SRP68: variants seen among roughly 807,000 people sequenced by gnomAD.
SRP68 encodes signal recognition particle subunit SRP68.
Under a neutral mutation model 82.2 loss-of-function variants are expected in SRP68, and 15 were observed. That is an observed-to-expected ratio of 0.18 (90% CI 0.12 to 0.28). The LOEUF (loss-of-function observed/expected upper bound fraction) is 0.28, where lower values mean the gene tolerates loss of function less well. Among genes scored for constraint, SRP68 ranks in the 10% least tolerant of loss-of-function variants. The pLI is 1.00. For synonymous variants in SRP68, 261 were observed against 292.6 expected, an observed-to-expected ratio of 0.89 and a Z score of 1.10; for missense variants, 595 against 780.5, an observed-to-expected ratio of 0.76 and a Z score of 2.83.
At chr17:76,056,506 C>A (rs923940094) in intron 8 of SRP68, among the ~76,000 whole-genome samples, 3 of 152,122 alleles carry the variant, frequency 2.0e-5, no homozygotes, top group Non-Finnish European at 4.4e-5. Flanking sequence ...GTCCTTTAAG[C>A]AAATAAAAGG....
At chr17:76,062,732 TA>T (rs2066772730) in intron 4 of SRP68, among the ~76,000 whole-genome samples, 6 of 2,146 alleles carry the variant, frequency 2.8e-3, no homozygotes, top group Middle Eastern at 0.071. Context: ...ATTTATTTTA[TA>T]TATATATATA....
intron 8 of SRP68, among the ~76,000 whole-genome samples, chr17:76,055,021 A>G (rs2066702620): frequency 6.6e-6 from 1 of 151,608 alleles, no homozygotes; most frequent in Admixed American, 6.6e-5. Context: ...CAATGGCGCA[A>G]TCTCGGCTCA....
At position 76,062,755 on chromosome 17, in the gene SRP68, ATATATATAT is replaced by A. The variant is rs1415249060; in HGVS notation, c.562-1190_562-1182del. Among the ~76,000 whole-genome samples the A allele has an allele frequency of 5.0e-4, 39 of 78,208 alleles. 1 individual carries two copies. Among genetic ancestry groups the A allele is most frequent in the Non-Finnish European group, 7.2e-4 (32 of 44,304 alleles). The allele number at this position is 78,208 out of a possible 152,430, so 51.3% of individuals were successfully genotyped here. A position where few individuals can be genotyped will look rare whatever the true frequency, so the allele number is the denominator to read the frequency against. On this transcript the variant is annotated intron_variant, in intron 4 of 15. Transcript: ENST00000307877. Reference sequence around the variant, plus strand: ...TATATATATATATATATATATATATATATATATATAAAATATATATATATATTTTTTTTG... The same window carrying A: ...TATATATATATATATATATATATATAAAAATATATATATATATTTTTTTTG...
intron 11 of SRP68, 68 bp downstream of exon 11, chr17:76,045,970 G>C: frequency 6.3e-7 from 1 of 1,582,564 alleles, no homozygotes; most frequent in Non-Finnish European, 8.7e-7. Context: ...ACAAAGTTAA[G>C]TCACTTTGTG....
chr17:76,039,755 T>G lies in SRP68; in HGVS notation c.1835A>C (p.Lys612Thr), dbSNP rs2066574990. The change falls in exon 16 of 16, where the codon AAG (lysine) becomes ACG (threonine). Residue 612 changes from lysine (K) to threonine (T), a missense_variant. This residue lies in a region of SRP68 where 495 missense variants were observed against 688.6 expected (regional missense o/e 0.72). Coordinates refer to ENST00000307877, the MANE Select transcript of SRP68 (RefSeq NM_014230.4). The stretch of plus-strand genomic sequence containing the variant: ...CTTGATGTATCCAGTGAGGCCACTC[T>G]TGGTCTTCTGTTCCAACTTGTCCTC... Reference protein sequence around the residue: ...PLEDKLEQKTKSGLTGYIKGI... With the variant: ...PLEDKLEQKTTSGLTGYIKGI... The G allele has an allele frequency of 3.7e-6, 6 of 1,614,104 alleles. No homozygotes were observed. Among genetic ancestry groups the G allele is most frequent in the Non-Finnish European group, 4.2e-6 (5 of 1,180,052 alleles).
chr17:76,062,482 G>GGAGA, intron 4 of SRP68, among the ~76,000 whole-genome samples: 1 of 96,050 alleles, frequency 1.0e-5, no homozygotes. Context: ...CAAAGAATAT[G>GGAGA]GAGATATATA....
rs772334532 is a variant in SRP68 at position 76,043,968 on chromosome 17, A to T, written c.1395-10T>A. On this transcript the variant is annotated splice_polypyrimidine_tract_variant and intron_variant, in intron 12 of 15. Coordinates refer to ENST00000307877, the MANE Select transcript of SRP68 (RefSeq NM_014230.4). The stretch of plus-strand genomic sequence containing the variant: ...AGCAATGAAAAAACACCTGATGGGG[A>T]GGGAAAAGAGCCACAATATTCTAAA... 2 of 1,595,026 alleles carry T rather than the reference A, an allele frequency of 1.3e-6. No homozygotes were observed. Among genetic ancestry groups the T allele is most frequent in the Non-Finnish European group, 1.7e-6 (2 of 1,174,910 alleles).
intron 4 of SRP68, among the ~76,000 whole-genome samples, chr17:76,062,698 AT>A (rs1389443431): frequency 2.7e-5 from 2 of 73,826 alleles, no homozygotes; most frequent in African/African-American, 1.7e-4. Flanking sequence ...TACATTATAT[AT>A]TGTATATTAT....
rs1567939285 is a variant in SRP68, at chr17:76,072,215, C to T, written c.184+93G>A. 1.3e-6 allele frequency: 2 copies of T among 1,590,962 alleles called. No individual in the cohort carries two copies. The highest frequency in any genetic ancestry group is 1.7e-6 in the Non-Finnish European group (2 of 1,174,254). ...AAACTGCAACCCTCGGCCTCTCCTG[C>T]CAGGACTTGTCGGGACCCGCCGCCT... On this transcript the variant is annotated intron_variant, in intron 1 of 15. Transcript: ENST00000307877. This position sits in a 1 kb window ranked among gnomAD's most constrained non-coding sequence, Gnocchi z 4.5.
chr17:76,047,730 A>T (rs774374209), intron 10 of SRP68, among the ~76,000 whole-genome samples, 176 bp downstream of exon 10: 4 of 151,918 alleles, frequency 2.6e-5, no homozygotes, highest in Non-Finnish European at 5.9e-5. Context: ...TTGAGGCTGC[A>T]GTGAGCTGAG....
chr17:76,062,288 GAAA>G (rs61471954), intron 4 of SRP68, among the ~76,000 whole-genome samples: 2 of 117,238 alleles, frequency 1.7e-5, no homozygotes, highest in Non-Finnish European at 1.7e-5. Flanking sequence ...CTCTGTCTCA[GAAA>G]AAAAAAAAAA....
At chr17:76,058,083 T>C (rs1276621107) in intron 7 of SRP68, among the ~76,000 whole-genome samples, 1 of 151,820 alleles carries the variant, frequency 6.6e-6, no homozygotes, top group Non-Finnish European at 1.5e-5. Flanking sequence ...AGTGATCCTT[T>C]TGCCTCAGCC....
At chr17:76,053,089 C>T (rs1274373580) in intron 8 of SRP68, among the ~76,000 whole-genome samples, 1 of 151,528 alleles carries the variant, frequency 6.6e-6, no homozygotes, top group East Asian at 1.9e-4. Context: ...TGACAAAACC[C>T]CATGTCTACA....
In SRP68 at chr17:76,070,503, G is replaced by A; in HGVS notation, c.185-59C>T. On this transcript the variant is annotated intron_variant, in intron 1 of 15. Coordinates refer to ENST00000307877, the MANE Select transcript of SRP68 (RefSeq NM_014230.4). ...CAAGAATCCAAACAAATCAAAACCTGTACCATCAGTCTATATCTGTGTCAA... is the reference window on the plus strand; with the variant it reads ...CAAGAATCCAAACAAATCAAAACCTATACCATCAGTCTATATCTGTGTCAA... The A allele has an allele frequency of 2.9e-6, 4 of 1,385,954 alleles. No individual in the cohort carries two copies. The South Asian group carries it at 3.5e-5, about 12-fold the overall frequency. The allele number at this position is 1,385,954 out of a possible 1,614,324, so 85.9% of individuals were successfully genotyped here.
chr17:76,053,703 C>T, intron 8 of SRP68: 1 of 941,622 alleles, frequency 1.1e-6, no homozygotes, highest in Non-Finnish European at 1.3e-6. Flanking sequence ...CTTACGACGC[C>T]CACACTGCAA....
At position 76,072,422 on chromosome 17, in the gene SRP68, C is replaced by CGCCACT; in HGVS notation, c.64_69dup (p.Ser22_Gly23dup). The CGCCACT allele has an allele frequency of 1.3e-6, 2 of 1,585,532 alleles. No individual in the cohort carries two copies. The highest frequency in any genetic ancestry group is 1.7e-6 in the Non-Finnish European group (2 of 1,167,734). ...CCACGTCCACCGCCGCTACCGCCGC[C>CGCCACT]GCCACTGCCACCGCCGCCGCCACTG... On this transcript the variant is annotated inframe_insertion, in exon 1 of 16. Transcript: ENST00000307877. This position sits in a 1 kb window ranked among gnomAD's most constrained non-coding sequence, Gnocchi z 4.5.
At position 76,050,518 on chromosome 17, in the gene SRP68, G is replaced by C. The variant is rs148814451; in HGVS notation, c.987C>G (p.Ser329Arg). 2 of 1,612,714 alleles carry C rather than the reference G, an allele frequency of 1.2e-6. No homozygotes were observed. Among genetic ancestry groups the C allele is most frequent in the Non-Finnish European group, 1.7e-6 (2 of 1,179,256 alleles). ...CAAACAGGCGCTCCTTAGTTTCTTCGCTTTCAGCCTAAACAAGGGCAGATC... is the reference window on the plus strand; with the variant it reads ...CAAACAGGCGCTCCTTAGTTTCTTCCCTTTCAGCCTAAACAAGGGCAGATC... ...DNEAAIVQAE[S>R]EETKERLFES... is the part of the protein sequence containing the mutation. Residue 329 changes from serine (S) to arginine (R), a missense_variant, in exon 9 of 16, where the codon AGC becomes AGG. By Grantham distance (110) the Ser-to-Arg change is moderately radical. Coordinates refer to ENST00000307877, the MANE Select transcript of SRP68 (RefSeq NM_014230.4).
chr17:76,059,669 G>A (rs1258886600), intron 7 of SRP68, among the ~76,000 whole-genome samples: 10 of 151,838 alleles, frequency 6.6e-5, no homozygotes, highest in African/African-American at 1.5e-4. Flanking sequence ...ATACTTGGCC[G>A]AGAACAGTGG....
At chr17:76,070,560 G>A (rs2066843311) in intron 1 of SRP68, 116 bp from the exon 2 acceptor site, 8 of 902,914 alleles carry the variant, frequency 8.9e-6, no homozygotes, top group Non-Finnish European at 1.4e-5. Context: ...GTGAAATATA[G>A]CCAGGTACGG....
Sources: allele counts gnomAD v4.1 joint callset (sites outside exome capture counted in the v4.1 genomes callset), GRCh38; gene constraint gnomAD v4.1.1; regional missense constraint gnomAD v4.1.1; non-coding constraint Gnocchi (gnomAD v3.1); transcripts MANE v1.5; gene names NCBI Gene and HGNC (gene_info 2026-07-23, HGNC 2026-07-21).